Variants in RAPGEF1 observed in about 807,000 individuals in gnomAD.
RAPGEF1 encodes Rap guanine nucleotide exchange factor 1, also known as CRK SH3-binding GNRP.
In RAPGEF1, 33 loss-of-function variants were observed where a neutral mutation model predicts 143.3. The ratio of observed to expected loss-of-function variants is 0.23; its 90% CI spans 0.17 to 0.31. RAPGEF1 has a LOEUF of 0.31. Among genes scored for constraint, RAPGEF1 ranks in the 10% least tolerant of loss-of-function variants. The pLI, the probability that RAPGEF1 is intolerant of heterozygous loss-of-function variation, is 1.00. For synonymous variants in RAPGEF1, 629 were observed against 676.5 expected (o/e 0.93, Z 1.09); for missense variants, 1,199 against 1,645.4 (o/e 0.73, Z 4.69).
intron 19 of RAPGEF1, among the ~76,000 whole-genome samples, chr9:131,589,265 G>A (rs1302470542): frequency 6.6e-6 from 1 of 152,218 alleles, no homozygotes; most frequent in African/African-American, 2.4e-5. Flanking sequence ...GCAGGGACAA[G>A]TCCTACACGA....
At chr9:131,638,522 G>A (rs1457347030) in intron 5 of RAPGEF1, 113 bp downstream of exon 5, 3 of 1,228,600 alleles carry the variant, frequency 2.4e-6, no homozygotes, top group Non-Finnish European at 3.5e-6. Flanking sequence ...CACCAGAGAC[G>A]CAGAAAGACA....
intron 17 of RAPGEF1, 72 bp downstream of exon 17, chr9:131,596,226 G>T: frequency 7.1e-7 from 1 of 1,416,390 alleles, no homozygotes; most frequent in Non-Finnish European, 9.9e-7. Flanking sequence ...GAGGGGACAG[G>T]ATAGCGGTGG....
intron 12 of RAPGEF1, among the ~76,000 whole-genome samples, chr9:131,607,697 C>T (rs1032247482): frequency 1.3e-5 from 2 of 152,146 alleles, no homozygotes; most frequent in African/African-American, 4.8e-5. Flanking sequence ...GACACTGCCA[C>T]GAGATTTGCT....
chr9:131,735,369 G>C (rs146296539), intron 1 of RAPGEF1, among the ~76,000 whole-genome samples: 59 of 152,328 alleles, frequency 3.9e-4, no homozygotes, highest in African/African-American at 1.4e-3. Flanking sequence ...CTCACCTTAA[G>C]TCCCATTTTG....
Position 131,627,213 on chromosome 9 carries a change from C to CAA in RAPGEF1, c.1201+698_1201+699dup, listed in dbSNP as rs10690802. 6.4e-4 allele frequency among the ~76,000 whole-genome samples: 62 copies of CAA among 97,390 alleles called. 1 individual carries two copies. Among genetic ancestry groups the CAA allele is most frequent in the African/African-American group, 1.8e-3 (39 of 21,450 alleles). The allele number at this position is 97,390 out of a possible 152,430, so 63.9% of individuals were successfully genotyped here. A position where few individuals can be genotyped will look rare whatever the true frequency, so the allele number is the denominator to read the frequency against. Reference sequence around the variant, plus strand: ...TGGGTGACAGAGTGAGGCTCTGTCTCAAAAAAAAAAAAAAAAAAAAAAAAA... The same window carrying CAA: ...TGGGTGACAGAGTGAGGCTCTGTCTCAAAAAAAAAAAAAAAAAAAAAAAAAAA... On this transcript the variant is annotated intron_variant, in intron 9 of 26. Transcript: ENST00000683357.
chr9:131,612,577 G>C (rs1958192837), intron 12 of RAPGEF1, among the ~76,000 whole-genome samples: 1 of 152,218 alleles, frequency 6.6e-6, no homozygotes, highest in African/African-American at 2.4e-5. Context: ...GGGCTCAGGA[G>C]GTAACGCCGT....
intron 1 of RAPGEF1, among the ~76,000 whole-genome samples, chr9:131,661,779 G>A (rs114867515): frequency 0.016 from 2,361 of 152,214 alleles, 26 homozygotes; most frequent in Non-Finnish European, 0.025. Flanking sequence ...TCTTCCCTAA[G>A]AACTCTGAAT....
At chr9:131,613,064 C>G (rs141452091) in intron 12 of RAPGEF1, among the ~76,000 whole-genome samples, 40 of 152,314 alleles carry the variant, frequency 2.6e-4, no homozygotes, top group Middle Eastern at 3.4e-3. Context: ...CAGCCTCCCC[C>G]ACATGGCGAC....
intron 12 of RAPGEF1, among the ~76,000 whole-genome samples, chr9:131,609,873 A>C (rs1053377152): frequency 1.2e-4 from 19 of 152,170 alleles, no homozygotes; most frequent in Non-Finnish European, 2.5e-4. Context: ...GTGTTGCCTT[A>C]GCAAGAAAGC....
Position 131,675,386 on chromosome 9 carries a change from C to G in RAPGEF1, c.62-24437G>C, listed in dbSNP as rs1328690204. Among the ~76,000 whole-genome samples the G allele has an allele frequency of 6.6e-6, 1 of 152,144 alleles. No individual in the cohort carries two copies. The highest frequency in any genetic ancestry group is 6.5e-5 in the Admixed American group (1 of 15,280). ...GAGCAGGGAGCCCGGCAGCTTCCTG[C>G]GGGTGCCGGGACGTGCCGTCCACAG... On this transcript the variant is annotated intron_variant, in intron 1 of 26. Coordinates refer to ENST00000683357, the MANE Select transcript of RAPGEF1 (RefSeq NM_001377935.1). This position sits in a 1 kb window ranked among gnomAD's most constrained non-coding sequence, Gnocchi z 4.6.
chr9:131,603,685 C>T (rs1454310934), intron 14 of RAPGEF1, among the ~76,000 whole-genome samples: 7 of 152,148 alleles, frequency 4.6e-5, no homozygotes, highest in South Asian at 2.1e-4. Context: ...GCCCGTGCCA[C>T]GCTGGTCCCA....
intron 24 of RAPGEF1, 127 bp from the exon 25 acceptor site, chr9:131,582,829 A>G (rs1952078706): frequency 1.4e-6 from 1 of 729,462 alleles, no homozygotes; most frequent in Non-Finnish European, 2.2e-6. Context: ...CACAGGTCCC[A>G]CTACGCACAA....
At chr9:131,684,694 C>T (rs954081550) in intron 1 of RAPGEF1, among the ~76,000 whole-genome samples, 22 of 152,096 alleles carry the variant, frequency 1.4e-4, no homozygotes, top group South Asian at 6.2e-4. Context: ...TGGAGAGATC[C>T]GATAACAAAA....
chr9:131,644,859 A>G (rs1969110095), intron 3 of RAPGEF1, among the ~76,000 whole-genome samples: 1 of 152,240 alleles, frequency 6.6e-6, no homozygotes, highest in South Asian at 2.1e-4. Flanking sequence ...AAAATGTTCA[A>G]TAGTAGAGGC....
chr9:131,598,583 T>G (rs1161522550), intron 15 of RAPGEF1: 1 of 565,306 alleles, frequency 1.8e-6, no homozygotes, highest in Admixed American at 2.2e-5. Flanking sequence ...GTTTGAGTGA[T>G]GGTCTCAGCC....
rs1270566186 is a variant in RAPGEF1, at chr9:131,638,812, G to GA, written c.495-22dup. ...CTGAGCTACAGGGAAGAGAAGAATG[G>GA]AAAAAAAGAAAATCTAAAGCATGAC... On this transcript the variant is annotated intron_variant, in intron 4 of 26. Coordinates refer to ENST00000683357, the MANE Select transcript of RAPGEF1 (RefSeq NM_001377935.1). The GA allele has an allele frequency of 2.5e-6, 4 of 1,607,008 alleles. No individual in the cohort carries two copies. The African/African-American group carries it at 4.0e-5, about 16-fold the overall frequency.
At chr9:131,654,796 T>C (rs1253712189) in intron 1 of RAPGEF1, among the ~76,000 whole-genome samples, 1 of 152,136 alleles carries the variant, frequency 6.6e-6, no homozygotes, top group East Asian at 1.9e-4. Flanking sequence ...AGATAATCAG[T>C]AAACATATAT....
intron 1 of RAPGEF1, among the ~76,000 whole-genome samples, chr9:131,663,500 T>C (rs1277808410): frequency 6.6e-6 from 1 of 150,978 alleles, no homozygotes; most frequent in Non-Finnish European, 1.5e-5. Context: ...GGAGCATACA[T>C]TGCATCTGGT....
chr9:131,706,802 G>A (rs908143191), intron 1 of RAPGEF1, among the ~76,000 whole-genome samples: 3 of 152,132 alleles, frequency 2.0e-5, no homozygotes, highest in Non-Finnish European at 4.4e-5. Flanking sequence ...AACCCTATGC[G>A]CCAAAGATGT....
Sources: allele counts gnomAD v4.1 joint callset (sites outside exome capture counted in the v4.1 genomes callset), GRCh38; gene constraint gnomAD v4.1.1; non-coding constraint Gnocchi (gnomAD v3.1); transcripts MANE v1.5; gene names NCBI Gene and HGNC (gene_info 2026-07-23, HGNC 2026-07-21).